Variants in TMEM132A observed in about 807,000 individuals in gnomAD.
TMEM132A encodes transmembrane protein 132A, also known as GRP78-binding protein.
TMEM132A carries 48 observed loss-of-function variants against 69.9 expected under a neutral mutation model. The ratio of observed to expected loss-of-function variants is 0.69; its 90% CI spans 0.55 to 0.87. The LOEUF (loss-of-function observed/expected upper bound fraction) is 0.87, where lower values mean the gene tolerates loss of function less well. TMEM132A is among the 40% of genes least tolerant of loss of function. The pLI, the probability that TMEM132A is intolerant of heterozygous loss-of-function variation, is 0.00. For missense variants in TMEM132A, 1,287 were observed against 1,407.2 expected (o/e 0.91, Z 1.37); for synonymous variants, 577 against 613.7 (o/e 0.94, Z 0.88).
At chr11:60,927,059 T>A (rs1224162067) in intron 1 of TMEM132A, 145 bp from the exon 2 acceptor site, 5 of 735,446 alleles carry the variant, frequency 6.8e-6, no homozygotes, top group Non-Finnish European at 1.2e-5. Flanking sequence ...TGACCTCATC[T>A]GTGAAATGGT....
intron 8 of TMEM132A, chr11:60,934,105 G>A (rs1252795059): frequency 2.1e-5 from 8 of 374,688 alleles, no homozygotes; most frequent in Admixed American, 4.7e-5. Context: ...AGCCTAAGAT[G>A]ACACAGAGCT....
In TMEM132A at chr11:60,930,550, C is replaced by T; in HGVS notation, c.907C>T (p.Pro303Ser). The T allele has an allele frequency of 1.2e-6, 2 of 1,611,418 alleles. No individual in the cohort carries two copies. Among genetic ancestry groups the T allele is most frequent in the South Asian group, 2.2e-5 (2 of 90,768 alleles). ...GGGGCTGCATGTGACAGCCGCCCGC[C>T]CAGCCCAGCCCACACTCTGGACTGC... ...KKGLHVTAAR[P>S]AQPTLWTAKL... Residue 303 changes from proline (P) to serine (S), a missense_variant, in exon 5 of 11, where the codon CCA becomes TCA. Transcript: ENST00000453848.
intron 9 of TMEM132A, 91 bp downstream of exon 9, chr11:60,934,855 G>A: frequency 7.3e-7 from 1 of 1,368,298 alleles, no homozygotes; most frequent in Non-Finnish European, 9.8e-7. Flanking sequence ...AGTGTGCCAG[G>A]AGCCCAGAGT....
Position 60,936,395 on chromosome 11 carries a change from C to G in TMEM132A, c.2560C>G (p.Leu854Val). Residue 854 changes from leucine to valine, a missense_variant, in exon 11 of 11, where the codon CTG becomes GTG. Coordinates refer to ENST00000453848, the MANE Select transcript of TMEM132A (RefSeq NM_178031.3). The stretch of plus-strand genomic sequence containing the variant: ...GCTAGAGCTGGGCATGTACGCCCTG[C>G]TGGGAGTCTTCTGCGTGGCCATCTT... Reference protein sequence around the residue: ...TELELGMYALLGVFCVAIFIF... With the variant: ...TELELGMYALVGVFCVAIFIF... 6.2e-7 allele frequency: 1 copy of G among 1,614,176 alleles called. No homozygotes were observed. Among genetic ancestry groups the G allele is most frequent in the South Asian group, 1.1e-5 (1 of 91,092 alleles).
In TMEM132A at chr11:60,935,777, C is replaced by G. The variant is rs896124397; in HGVS notation, c.2029-87C>G. 35 of 1,457,582 alleles carry G rather than the reference C, an allele frequency of 2.4e-5. No individual in the cohort carries two copies. In the Admixed American group the frequency reaches 6.6e-4, roughly 27 times the overall value. The allele number at this position is 1,457,582 out of a possible 1,614,324, so 90.3% of individuals were successfully genotyped here. On this transcript the variant is annotated intron_variant, in intron 10 of 10. Transcript: ENST00000453848. This position sits in a 1 kb window ranked among gnomAD's most constrained non-coding sequence, Gnocchi z 5.0. ...CTCTGTTTTCTCTCTGGTCTCTCCT[C>G]CATGTGGCCTATCTCTGTGGGAGTG...
chr11:60,926,868 CAG>C (rs1417874221), intron 1 of TMEM132A, among the ~76,000 whole-genome samples: 2 of 152,118 alleles, frequency 1.3e-5, no homozygotes, highest in African/African-American at 4.8e-5. Context: ...GCCTTGGTAT[CAG>C]AGGCGAGTAG....
In TMEM132A at chr11:60,937,136, G is replaced by T; in HGVS notation, c.*229G>T. On this transcript the variant is annotated 3_prime_UTR_variant, in exon 11 of 11. Coordinates refer to ENST00000453848, the MANE Select transcript of TMEM132A (RefSeq NM_178031.3). ...TTATGGGAACCATTTCATTCTAACA[G>T]AATAAACCGAGAAGGAAACCAGAGC... is the stretch of plus-strand genomic sequence containing the variant. 1 of 1,533,822 alleles carries T rather than the reference G, an allele frequency of 6.5e-7. No individual in the cohort carries two copies.
chr11:60,930,807 A>C lies in TMEM132A; in HGVS notation c.1016+148A>C, dbSNP rs58454182. The C allele has an allele frequency of 0.01, 7,967 of 764,296 alleles. 448 individuals are homozygous for C. In the African/African-American group the frequency reaches 0.12, roughly 12 times the overall value. 47.3% of individuals were successfully genotyped at this position (764,296 alleles called of 1,614,324 possible). ...TTTTTTCAAGGAAGCAGCACAAAGC[A>C]GGCATAATCCATTCCTTCATTCATT... On this transcript the variant is annotated intron_variant, in intron 5 of 10. Coordinates refer to ENST00000453848, the MANE Select transcript of TMEM132A (RefSeq NM_178031.3).
rs1856534364 is a variant in TMEM132A, at chr11:60,933,878, C to T, written c.1559+134C>T. On this transcript the variant is annotated intron_variant, in intron 8 of 10. Coordinates refer to ENST00000453848, the MANE Select transcript of TMEM132A (RefSeq NM_178031.3). ...GTTGCTTGCAGTTCCTTCTGCCCAC[C>T]TCCACCCTGGGCCGCCCAGCCAATG... is the stretch of plus-strand genomic sequence containing the variant. 7.4e-6 allele frequency: 6 copies of T among 815,826 alleles called. No homozygotes were observed. In the Admixed American group the frequency reaches 8.6e-5, roughly 12 times the overall value. The allele number at this position is 815,826 out of a possible 1,614,324, so 50.5% of individuals were successfully genotyped here. A position where few individuals can be genotyped will look rare whatever the true frequency, so the allele number is the denominator to read the frequency against.
chr11:60,930,470 C>T, intron 4 of TMEM132A, 40 bp from the exon 5 acceptor site: 1 of 1,554,254 alleles, frequency 6.4e-7, no homozygotes, highest in Non-Finnish European at 8.7e-7. Context: ...CACAGTTCAG[C>T]ATGCACCTTG....
rs1194305269 is a variant in TMEM132A, at chr11:60,936,591, G to A, written c.2756G>A (p.Gly919Glu). The change falls in exon 11 of 11, where the codon GGG becomes GAG. Residue 919 changes from glycine to glutamate, a missense_variant. By Grantham distance (98) the Gly-to-Glu change is moderately conservative. Transcript: ENST00000453848. The part of the protein sequence containing the change: ...LDRQSPGPPK[G>E]EGSCPCESGG... ...CGGCAGTCCCCTGGCCCGCCCAAGG[G>A]GGAGGGGAGCTGCCCCTGTGAGAGT... 7 of 1,597,570 alleles carry A rather than the reference G, an allele frequency of 4.4e-6. No individual in the cohort carries two copies. The highest frequency in any genetic ancestry group is 3.4e-5 in the Admixed American group (2 of 59,052).
chr11:60,930,555 C>T lies in TMEM132A; in HGVS notation c.912C>T (p.Ala304=), dbSNP rs753539594. The T allele has an allele frequency of 1.9e-6, 3 of 1,612,732 alleles. No homozygotes were observed. The South Asian group carries it at 3.3e-5, about 18-fold the overall frequency. Residue 304 remains alanine (A), a synonymous_variant, in exon 5 of 11, where the codon GCC becomes GCT. Coordinates refer to ENST00000453848, the MANE Select transcript of TMEM132A (RefSeq NM_178031.3). ...KGLHVTAARP[A]QPTLWTAKLD... is the part of the protein sequence containing the mutation. Reference sequence around the variant, plus strand: ...TGCATGTGACAGCCGCCCGCCCAGCCCAGCCCACACTCTGGACTGCCAAGC... The same window carrying T: ...TGCATGTGACAGCCGCCCGCCCAGCTCAGCCCACACTCTGGACTGCCAAGC...
Position 60,928,682 on chromosome 11 carries a change from A to T in TMEM132A, c.588A>T (p.Ser196=). 6.2e-7 allele frequency: 1 copy of T among 1,610,962 alleles called. No homozygotes were observed. The highest frequency in any genetic ancestry group is 1.1e-5 in the South Asian group (1 of 90,974). Residue 196 remains serine, a synonymous_variant, in exon 4 of 11, where the codon TCA becomes TCT. Transcript: ENST00000453848. ...VELELPSHWF[S]QASTTRAELA... ...TGGAGCTTCCCTCGCACTGGTTCTC[A>T]CAGGCCTCCACCACACGGGCCGAGC...
At chr11:60,928,480 C>T in intron 3 of TMEM132A, 149 bp from the exon 4 acceptor site, 1 of 725,766 alleles carries the variant, frequency 1.4e-6, no homozygotes, top group Non-Finnish European at 2.2e-6. Flanking sequence ...TGCTGGTTTG[C>T]TGTGTCACTC....
chr11:60,932,287 C>T (rs1245520356), intron 7 of TMEM132A, 160 bp downstream of exon 7: 3 of 852,508 alleles, frequency 3.5e-6, no homozygotes, highest in Non-Finnish European at 5.0e-6. Flanking sequence ...TCTTTTGTTC[C>T]AGCCACCTCT....
chr11:60,933,376 G>A lies in TMEM132A; in HGVS notation c.1357-166G>A, dbSNP rs1856519950. ...TTATTGTATTTTTTGTAGAGAGGGA[G>A]TTTTGCCATGTTGCCCAGGCTGGTC... On this transcript the variant is annotated intron_variant, in intron 7 of 10. Transcript: ENST00000453848. The A allele has an allele frequency of 4.0e-5, 24 of 598,484 alleles. No homozygotes were observed. In the South Asian group the frequency reaches 4.6e-4, roughly 11 times the overall value. 37.1% of individuals were successfully genotyped at this position (598,484 alleles called of 1,614,324 possible).
intron 8 of TMEM132A, chr11:60,934,181 A>C (rs1856540428): frequency 2.7e-6 from 1 of 377,354 alleles, no homozygotes; most frequent in Non-Finnish European, 4.7e-6. Flanking sequence ...CGCCTCTGGA[A>C]TCTAGCTTCC....
Position 60,932,144 on chromosome 11 carries a change from C to T in TMEM132A, c.1356+17C>T. 2 of 1,523,286 alleles carry T rather than the reference C, an allele frequency of 1.3e-6. No homozygotes were observed. The highest frequency in any genetic ancestry group is 1.8e-6 in the Non-Finnish European group (2 of 1,137,802). 94.4% of individuals were successfully genotyped at this position (1,523,286 alleles called of 1,614,324 possible). On this transcript the variant is annotated intron_variant, in intron 7 of 10. Transcript: ENST00000453848. ...GTCCTGCAGGTGAGTGGCAGGTGCC[C>T]AGCTCATGTGAGTCTGCATTTGTGT...
rs564634397 is a variant in TMEM132A, at chr11:60,934,501, G to C, written c.1573G>C (p.Ala525Pro). 113 of 1,399,830 alleles carry C rather than the reference G, an allele frequency of 8.1e-5. No homozygotes were observed. In the African/African-American group the frequency reaches 1.6e-3, roughly 20 times the overall value. The allele number at this position is 1,399,830 out of a possible 1,614,324, so 86.7% of individuals were successfully genotyped here. The change falls in exon 9 of 11, where the codon GCT becomes CCT. Residue 525 changes from alanine to proline, a missense_variant. Coordinates refer to ENST00000453848, the MANE Select transcript of TMEM132A (RefSeq NM_178031.3). ...CCCGCCCTGCAGGCCTGCGGAACCC[G>C]CTGCAGAGGCGTCGGATGAGGCCGA... is the stretch of plus-strand genomic sequence containing the variant. ...PGPAEGPAEPAAEASDEAERR... is the reference protein window; with the variant it reads ...PGPAEGPAEPPAEASDEAERR...
Sources: allele counts gnomAD v4.1 joint callset (sites outside exome capture counted in the v4.1 genomes callset), GRCh38; gene constraint gnomAD v4.1.1; non-coding constraint Gnocchi (gnomAD v3.1); transcripts MANE v1.5; gene names NCBI Gene and HGNC (gene_info 2026-07-23, HGNC 2026-07-21).